TCF4: variants seen among roughly 807,000 people sequenced by gnomAD.
The protein encoded by TCF4 is transcription factor 4.
TCF4 carries 3 observed loss-of-function variants against 82.1 expected under a neutral mutation model. The ratio of observed to expected loss-of-function variants is 0.04; its 90% CI spans 0.02 to 0.09. The LOEUF is 0.09. TCF4 is among the 10% of genes least tolerant of loss of function. The pLI is 1.00. For synonymous variants in TCF4, 276 were observed against 309.6 expected (o/e 0.89, Z 1.14); for missense variants, 518 against 852.7 (o/e 0.61, Z 4.89).
chr18:55,408,442 T>C (rs1569413145), intron 5 of TCF4, among the ~76,000 whole-genome samples: 1 of 152,148 alleles, frequency 6.6e-6, no homozygotes, highest in South Asian at 2.1e-4. Flanking sequence ...TGTGAATCTA[T>C]ATATATGTAG....
chr18:55,303,262 CA>C (rs1452720415), intron 8 of TCF4, among the ~76,000 whole-genome samples: 11 of 151,254 alleles, frequency 7.3e-5, no homozygotes, highest in East Asian at 1.9e-4. Context: ...CACACACACA[CA>C]CACACCCCTA....
rs1384214480 is a variant in TCF4, at chr18:55,586,150, G to GAGGAGC, written c.73-804_73-799dup. On this transcript the variant is annotated intron_variant, in intron 2 of 19. Coordinates refer to ENST00000354452, the MANE Select transcript of TCF4 (RefSeq NM_001083962.2). The stretch of plus-strand genomic sequence containing the variant: ...GGAGGAGGAGAAGGAGGAGGAGGAG[G>GAGGAGC]AGGAGCAGCAGCAGCAGCAGCAGCA... 1.7e-4 allele frequency: 213 copies of GAGGAGC among 1,222,996 alleles called. 4 individuals carry two copies. In the South Asian group the frequency reaches 3.0e-3, roughly 17 times the overall value. 75.8% of individuals were successfully genotyped at this position (1,222,996 alleles called of 1,614,324 possible).
intron 2 of TCF4, 134 bp from the exon 3 acceptor site, chr18:55,585,486 T>C: frequency 1.2e-6 from 1 of 834,158 alleles, no homozygotes; most frequent in Non-Finnish European, 1.9e-6. Context: ...TACATCACCA[T>C]CCAACTTAAA....
chr18:55,575,704 G>T (rs375154614), intron 3 of TCF4, among the ~76,000 whole-genome samples: 1 of 152,042 alleles, frequency 6.6e-6, no homozygotes, highest in African/African-American at 2.4e-5. Flanking sequence ...TAAGATACTT[G>T]CAGGTCACAG....
chr18:55,550,095 A>C (rs2097247419), intron 3 of TCF4, among the ~76,000 whole-genome samples: 1 of 152,200 alleles, frequency 6.6e-6, no homozygotes, highest in Non-Finnish European at 1.5e-5. Flanking sequence ...AAACTATCCA[A>C]GTTATATATC....
At position 55,304,236 on chromosome 18, in the gene TCF4, C is replaced by A. The variant is rs565815530; in HGVS notation, c.550-24580G>T. 8.5e-5 allele frequency among the ~76,000 whole-genome samples: 13 copies of A among 152,086 alleles called. No homozygotes were observed. In the East Asian group the frequency reaches 1.2e-3, roughly 14 times the overall value. ...TCTGCATTTCATTCAGTGAAGAAGA[C>A]GGTATGAAAGAAACATACTAGGCAA... is the stretch of plus-strand genomic sequence containing the variant. On this transcript the variant is annotated intron_variant, in intron 8 of 19. Transcript: ENST00000354452.
intron 8 of TCF4, among the ~76,000 whole-genome samples, chr18:55,347,158 C>T (rs1004944198): frequency 1.3e-5 from 2 of 152,134 alleles, no homozygotes; most frequent in African/African-American, 2.4e-5. Flanking sequence ...TAAATTCTGA[C>T]ATCAACAAAA....
At chr18:55,330,380 A>G (rs148022316) in intron 8 of TCF4, among the ~76,000 whole-genome samples, 3,276 of 151,888 alleles carry the variant, frequency 0.022, 134 homozygotes, top group South Asian at 0.16. Context: ...GGGTTTCGCT[A>G]CGTTGGCCAG....
At chr18:55,292,012 T>A (rs1275454988) in intron 8 of TCF4, among the ~76,000 whole-genome samples, 1 of 152,148 alleles carries the variant, frequency 6.6e-6, no homozygotes, top group East Asian at 1.9e-4. Flanking sequence ...AAAGATGAAT[T>A]AAGAAGGGCA....
At chr18:55,569,207 A>G (rs1338520120) in intron 3 of TCF4, among the ~76,000 whole-genome samples, 1 of 100,442 alleles carries the variant, frequency 1.0e-5, no homozygotes, top group African/African-American at 4.0e-5. Flanking sequence ...ATAGCACAGT[A>G]AAGACAAAAA....
At chr18:55,500,426 C>T (rs887041779) in intron 3 of TCF4, among the ~76,000 whole-genome samples, 12 of 152,168 alleles carry the variant, frequency 7.9e-5, no homozygotes, top group African/African-American at 2.7e-4. Flanking sequence ...CACAAGTCTG[C>T]TTCTTAAAGT....
chr18:55,608,526 TAA>T (rs2097704287), intron 2 of TCF4, among the ~76,000 whole-genome samples: 1 of 152,152 alleles, frequency 6.6e-6, no homozygotes, highest in Non-Finnish European at 1.5e-5. Context: ...ATTTAAAGAA[TAA>T]AAGAGATGAG....
At chr18:55,584,052 A>T (rs2097606732) in intron 3 of TCF4, among the ~76,000 whole-genome samples, 1 of 152,116 alleles carries the variant, frequency 6.6e-6, no homozygotes, top group East Asian at 1.9e-4. Context: ...AGCATCTCAC[A>T]TTTTTTAAAA....
chr18:55,447,459 T>G (rs566618873), intron 5 of TCF4, among the ~76,000 whole-genome samples: 13 of 152,160 alleles, frequency 8.5e-5, no homozygotes, highest in Admixed American at 8.5e-4. Flanking sequence ...GTGGGCCAAG[T>G]TGAAAGCAAG....
At chr18:55,429,764 C>CA (rs35255242) in intron 5 of TCF4, among the ~76,000 whole-genome samples, 9,576 of 57,140 alleles carry the variant, frequency 0.17, 2,780 homozygotes, top group African/African-American at 0.23. Flanking sequence ...GACTCCATCT[C>CA]AAAAAAAAAA....
chr18:55,523,801 T>C (rs1292096376), intron 3 of TCF4, among the ~76,000 whole-genome samples: 1 of 152,092 alleles, frequency 6.6e-6, no homozygotes, highest in Admixed American at 6.6e-5. Context: ...TAGTATCTCC[T>C]TTACAATTTT....
chr18:55,248,690 G>A (rs1423151748), intron 15 of TCF4, among the ~76,000 whole-genome samples: 6 of 152,316 alleles, frequency 3.9e-5, no homozygotes, highest in Middle Eastern at 3.4e-3. Context: ...AGAGGAAGTC[G>A]GCTGAGCAGT....
chr18:55,322,115 TTTTTTTTG>T, intron 8 of TCF4: 1 of 1,071,656 alleles, frequency 9.3e-7, no homozygotes, highest in Non-Finnish European at 1.1e-6. Flanking sequence ...CTTTTTTTTT[TTTTTTTTG>T]TTTTGTTTTG....
chr18:55,350,309 A>T (rs763223219), intron 8 of TCF4, 50 bp downstream of exon 8: 157 of 1,582,514 alleles, frequency 9.9e-5, no homozygotes, highest in Non-Finnish European at 1.3e-4. Context: ...CCATCAATAC[A>T]AAACAGAACA....
Sources: allele counts gnomAD v4.1 joint callset (sites outside exome capture counted in the v4.1 genomes callset), GRCh38; gene constraint gnomAD v4.1.1; transcripts MANE v1.5; gene names NCBI Gene and HGNC (gene_info 2026-07-23, HGNC 2026-07-21).